GRM7: variants seen among roughly 807,000 people sequenced by gnomAD.
GRM7 encodes the protein metabotropic glutamate receptor 7.
A neutral mutation model predicts 84.5 loss-of-function variants in GRM7; 35 were observed. The ratio of observed to expected loss-of-function variants is 0.41; its 90% CI spans 0.32 to 0.55. The LOEUF (loss-of-function observed/expected upper bound fraction) is 0.55, where lower values mean the gene tolerates loss of function less well. Among genes scored for constraint, GRM7 ranks in the 20% least tolerant of loss-of-function variants. The probability of loss-of-function intolerance (pLI) is 0.19; values close to 1 mark genes in which losing one functional copy is unlikely to be tolerated. For synonymous variants in GRM7, 487 were observed against 455.1 expected, an observed-to-expected ratio of 1.07 and a Z score of -0.89; for missense variants, 1,003 against 1,194.6, an observed-to-expected ratio of 0.84 and a Z score of 2.36.
At chr3:7,459,120 G>T (rs1249930618) in intron 6 of GRM7, among the ~76,000 whole-genome samples, 2 of 152,138 alleles carry the variant, frequency 1.3e-5, no homozygotes, top group Admixed American at 6.6e-5. Context: ...GTCTATGGGG[G>T]TAGTGTCTAG....
At chr3:7,693,074 C>G (rs162778) in intron 9 of GRM7, among the ~76,000 whole-genome samples, 70,922 of 151,340 alleles carry the variant, frequency 0.47, 18,178 homozygotes, top group East Asian at 0.89. Flanking sequence ...AAATACTGTA[C>G]TTCCTGTTAT....
intron 7 of GRM7, among the ~76,000 whole-genome samples, chr3:7,552,918 G>A (rs186748836): frequency 6.6e-6 from 1 of 152,314 alleles, no homozygotes; most frequent in African/African-American, 2.4e-5. Context: ...CAGCTGCCTT[G>A]AATTTCTCCT....
In GRM7 at chr3:6,938,763, A is replaced by G. The variant is rs1289549169; in HGVS notation, c.519+76856A>G. Among the ~76,000 whole-genome samples, 7 of 152,322 alleles carry G rather than the reference A, an allele frequency of 4.6e-5. 1 individual carries two copies. The highest frequency in any genetic ancestry group is 4.6e-4 in the Admixed American group (7 of 15,294). On this transcript the variant is annotated intron_variant, in intron 1 of 9. Coordinates refer to ENST00000357716, the MANE Select transcript of GRM7 (RefSeq NM_000844.4). Reference sequence around the variant, plus strand: ...TGAAGGTTTTGTTCAGAGCTTAAAAAGCCTGACAAAAAAATGAAGGAGACT... The same window carrying G: ...TGAAGGTTTTGTTCAGAGCTTAAAAGGCCTGACAAAAAAATGAAGGAGACT...
At chr3:7,677,063 C>T (rs1269661839) in intron 8 of GRM7, among the ~76,000 whole-genome samples, 3 of 151,772 alleles carry the variant, frequency 2.0e-5, no homozygotes, top group Non-Finnish European at 4.4e-5. Context: ...AGATCAAGAC[C>T]ATCCTGGCTA....
intron 2 of GRM7, among the ~76,000 whole-genome samples, chr3:7,174,723 C>T (rs1420345063): frequency 2.0e-5 from 3 of 152,188 alleles, no homozygotes; most frequent in African/African-American, 4.8e-5. Flanking sequence ...TTCACAAAAA[C>T]TCCAATTTCA....
intron 2 of GRM7, among the ~76,000 whole-genome samples, chr3:7,255,975 A>G (rs1698180975): frequency 6.6e-6 from 1 of 152,174 alleles, no homozygotes; most frequent in African/African-American, 2.4e-5. Context: ...TAGATAAAAT[A>G]CATGCCTTTC....
At chr3:7,062,445 T>C (rs1432713954) in intron 1 of GRM7, among the ~76,000 whole-genome samples, 25 of 151,624 alleles carry the variant, frequency 1.6e-4, no homozygotes, top group Admixed American at 1.6e-3. Context: ...AGAATAAATA[T>C]GAAAAATATA....
At chr3:7,529,538 T>G (rs1158048347) in intron 7 of GRM7, among the ~76,000 whole-genome samples, 1 of 152,070 alleles carries the variant, frequency 6.6e-6, no homozygotes, top group African/African-American at 2.4e-5. Context: ...ATTAACATTA[T>G]AGACTCTTAA....
At chr3:7,668,864 T>C (rs995056086) in intron 8 of GRM7, among the ~76,000 whole-genome samples, 1 of 152,264 alleles carries the variant, frequency 6.6e-6, no homozygotes, top group East Asian at 1.9e-4. Flanking sequence ...GGTACTAAGA[T>C]GCAAGATAAT....
At chr3:7,654,380 A>T (rs1195220490) in intron 8 of GRM7, among the ~76,000 whole-genome samples, 1 of 152,062 alleles carries the variant, frequency 6.6e-6, no homozygotes, top group Non-Finnish European at 1.5e-5. Context: ...CCCCTGTGCT[A>T]TCTCTATAAT....
chr3:7,269,260 C>T (rs979859726), intron 2 of GRM7, among the ~76,000 whole-genome samples: 5 of 152,154 alleles, frequency 3.3e-5, no homozygotes, highest in South Asian at 2.1e-4. Context: ...TGTGAGCAGA[C>T]GAAATTTAAA....
chr3:7,604,710 A>C (rs1696478979), intron 8 of GRM7, among the ~76,000 whole-genome samples: 1 of 152,208 alleles, frequency 6.6e-6, no homozygotes, highest in Non-Finnish European at 1.5e-5. Context: ...ATTTCCTATT[A>C]CGTTCTGGTA....
chr3:6,967,578 G>A (rs1693574487), intron 1 of GRM7, among the ~76,000 whole-genome samples: 1 of 152,148 alleles, frequency 6.6e-6, no homozygotes, highest in African/African-American at 2.4e-5. Flanking sequence ...ATGAGTTTAT[G>A]TAATATACAT....
chr3:7,594,821 TGGCCTAGGAG>T (rs1323679359), intron 8 of GRM7, among the ~76,000 whole-genome samples: 1 of 152,090 alleles, frequency 6.6e-6, no homozygotes, highest in Non-Finnish European at 1.5e-5. Context: ...GAGAGATATA[TGGCCTAGGAG>T]AAGCCAGCAG....
chr3:7,185,827 T>C (rs937918117), intron 2 of GRM7, among the ~76,000 whole-genome samples: 44 of 152,306 alleles, frequency 2.9e-4, no homozygotes, highest in African/African-American at 1.1e-3. Flanking sequence ...GCATAGCTAA[T>C]TGGGAACTCT....
chr3:7,722,812 C>A (rs969143554), intron 9 of GRM7, among the ~76,000 whole-genome samples: 1 of 151,856 alleles, frequency 6.6e-6, no homozygotes. Flanking sequence ...GAATTAGAGA[C>A]AGGGTCTCAC....
chr3:7,398,277 C>T (rs73810603), intron 4 of GRM7, among the ~76,000 whole-genome samples: 220 of 152,244 alleles, frequency 1.4e-3, no homozygotes, highest in African/African-American at 5.1e-3. Flanking sequence ...TCGCATGTGG[C>T]AGTGAACAGT....
At chr3:7,621,918 A>T (rs955307286) in intron 8 of GRM7, among the ~76,000 whole-genome samples, 1 of 152,180 alleles carries the variant, frequency 6.6e-6, no homozygotes, top group Non-Finnish European at 1.5e-5. Flanking sequence ...ATTGAGATAC[A>T]TGAAGATGGG....
chr3:6,866,042 AT>A (rs1694927599), intron 1 of GRM7, among the ~76,000 whole-genome samples: 1 of 152,224 alleles, frequency 6.6e-6, no homozygotes, highest in East Asian at 1.9e-4. Context: ...CACATATTAT[AT>A]TTGAAGACAT....
Sources: gnomAD v4.1 joint callset for allele counts (sites outside exome capture counted in the v4.1 genomes callset) on GRCh38, gnomAD v4.1.1 for gene constraint, MANE v1.5 for transcripts, NCBI Gene and HGNC (gene_info 2026-07-23, HGNC 2026-07-21) for gene names.